L1CAM: variants seen among roughly 807,000 people sequenced by gnomAD.
L1CAM encodes the protein L1 cell adhesion molecule, also known as neural cell adhesion molecule L1.
Under a neutral mutation model 93.0 loss-of-function variants are expected in L1CAM, and 8 were observed. The ratio of observed to expected loss-of-function variants is 0.09; its 90% CI spans 0.05 to 0.16. The LOEUF is 0.16. Among genes scored for constraint, L1CAM ranks in the 10% least tolerant of loss-of-function variants. The pLI is 1.00. For missense variants in L1CAM, 777 were observed against 1,073.4 expected, an observed-to-expected ratio of 0.72 and a Z score of 3.86; for synonymous variants, 453 against 453.0, an observed-to-expected ratio of 1.00 and a Z score of 0.00.
At chrX:153,873,371 G>C (rs1370155512) in intron 2 of L1CAM, 129 bp from the exon 3 acceptor site, 20 of 706,395 alleles carry the variant, frequency 2.8e-5, no homozygotes, top group African/African-American at 6.3e-5. Context: ...AATGGCAGGA[G>C]AGGAGGCCCT....
intron 11 of L1CAM, 164 bp from the exon 12 acceptor site, chrX:153,869,116 T>A: frequency 2.1e-6 from 1 of 487,509 alleles, no homozygotes; most frequent in Non-Finnish European, 3.7e-6. Flanking sequence ...CTCTCTGCCT[T>A]CAGACACTGC....
In L1CAM at chrX:153,862,597, C is replaced by G. The variant is rs1557089177; in HGVS notation, c.*66G>C. The G allele has an allele frequency of 2.2e-6, 2 of 906,764 alleles. No homozygotes were observed. Among genetic ancestry groups the G allele is most frequent in the African/African-American group, 3.9e-5 (2 of 51,146 alleles). The allele number at this position is 906,764 out of a possible 1,213,427, so 74.7% of individuals were successfully genotyped here. A position where few individuals can be genotyped will look rare whatever the true frequency, so the allele number is the denominator to read the frequency against. ...TGCCCCAACTCCAGCCTCCCATGGGCCTGCTGGAGAGGGAGGGGCCTGGAT... is the reference window on the plus strand; with the variant it reads ...TGCCCCAACTCCAGCCTCCCATGGGGCTGCTGGAGAGGGAGGGGCCTGGAT... On this transcript the variant is annotated 3_prime_UTR_variant, in exon 29 of 29. Coordinates refer to ENST00000370060, the MANE Select transcript of L1CAM (RefSeq NM_001278116.2).
At chrX:153,873,921 G>C (rs1466762404) in intron 2 of L1CAM, among the ~76,000 whole-genome samples, 1 of 112,594 alleles carries the variant, frequency 8.9e-6, no homozygotes, top group African/African-American at 3.2e-5. Context: ...GGCCAGGGCG[G>C]CCTCGAGGAA....
intron 1 of L1CAM, among the ~76,000 whole-genome samples, chrX:153,879,468 C>T (rs1557095273): frequency 9.7e-6 from 1 of 102,938 alleles, no homozygotes; most frequent in East Asian, 3.1e-4. Flanking sequence ...GCCTGCACAG[C>T]GTCCTTGTCC....
At position 153,862,316 on chromosome X, in the gene L1CAM, T is replaced by G; in HGVS notation, c.*347A>C. 4.3e-6 allele frequency: 1 copy of G among 230,562 alleles called. No individual in the cohort carries two copies. The highest frequency in any genetic ancestry group is 6.4e-5 in the Admixed American group (1 of 15,576). The allele number at this position is 230,562 out of a possible 1,213,427, so 19.0% of individuals were successfully genotyped here. On this transcript the variant is annotated 3_prime_UTR_variant, in exon 29 of 29. Transcript: ENST00000370060. ...CCCTGGTCCTGAGGAGACCCCACCA[T>G]GTCTGCCCCCAGTCAGGGAGCAAGA...
chrX:153,862,603 G>A lies in L1CAM; in HGVS notation c.*60C>T. 1 of 967,312 alleles carries A rather than the reference G, an allele frequency of 1.0e-6. No individual in the cohort carries two copies. The highest frequency in any genetic ancestry group is 1.4e-6 in the Non-Finnish European group (1 of 691,081). The allele number at this position is 967,312 out of a possible 1,213,427, so 79.7% of individuals were successfully genotyped here. A position where few individuals can be genotyped will look rare whatever the true frequency, so the allele number is the denominator to read the frequency against. ...AACTCCAGCCTCCCATGGGCCTGCT[G>A]GAGAGGGAGGGGCCTGGATCCCAAG... On this transcript the variant is annotated 3_prime_UTR_variant, in exon 29 of 29. Transcript: ENST00000370060.
Position 153,871,220 on chromosome X carries a change from G to C in L1CAM, c.401-41C>G, listed in dbSNP as rs782374689. The C allele has an allele frequency of 8.5e-5, 81 of 952,628 alleles. No homozygotes were observed. The South Asian group carries it at 1.4e-3, about 16-fold the overall frequency. The allele number at this position is 952,628 out of a possible 1,213,427, so 78.5% of individuals were successfully genotyped here. A position where few individuals can be genotyped will look rare whatever the true frequency, so the allele number is the denominator to read the frequency against. The stretch of plus-strand genomic sequence containing the variant: ...GGGCTGACACTCTCCTCCTGGTCCA[G>C]ATGGTGCTAGGCAGGAGAAGGGAGG... On this transcript the variant is annotated intron_variant, in intron 5 of 28. Transcript: ENST00000370060.
intron 28 of L1CAM, 120 bp downstream of exon 28, chrX:153,863,248 G>C: frequency 1.3e-6 from 1 of 794,522 alleles, no homozygotes; most frequent in Non-Finnish European, 1.9e-6. Context: ...TGCCGGGCCT[G>C]GGGGCTGGGA....
At chrX:153,866,895 A>G in intron 18 of L1CAM, 24 bp from the exon 19 acceptor site, 6 of 1,187,977 alleles carry the variant, frequency 5.1e-6, no homozygotes, top group Admixed American at 2.2e-5. Flanking sequence ...GCAGAAGAGG[A>G]GTTGGTTGGC....
At chrX:153,870,654 G>T in intron 7 of L1CAM, 136 bp downstream of exon 7, 1 of 804,109 alleles carries the variant, frequency 1.2e-6, no homozygotes, top group Non-Finnish European at 1.9e-6. Context: ...GCCTGGGAAG[G>T]GGTCTGGGCA....
chrX:153,882,230 G>A (rs1171253918), intron 1 of L1CAM, among the ~76,000 whole-genome samples: 1 of 111,748 alleles, frequency 8.9e-6, no homozygotes, highest in Non-Finnish European at 1.9e-5. Context: ...GTGATCCCCA[G>A]GGCTTGGGCA....
Position 153,886,170 on chromosome X carries a change from C to A in L1CAM, c.-214G>T, listed in dbSNP as rs2064880194. ...GATGCCGATGCTGCGGCAGCAGCGG[C>A]TGTGGCGGGGCGGGGCGGGCGTGCG... On this transcript the variant is annotated 5_prime_UTR_variant, in exon 1 of 29. Coordinates refer to ENST00000370060, the MANE Select transcript of L1CAM (RefSeq NM_001278116.2). 9.0e-6 allele frequency: 1 copy of A among 110,643 alleles called. No individual in the cohort carries two copies. Among genetic ancestry groups the A allele is most frequent in the Non-Finnish European group, 1.9e-5 (1 of 53,536 alleles). 9.1% of individuals were successfully genotyped at this position (110,643 alleles called of 1,213,427 possible).
chrX:153,875,536 C>T lies in L1CAM; in HGVS notation c.76+225G>A, dbSNP rs188830982. 535 of 497,555 alleles carry T rather than the reference C, an allele frequency of 1.1e-3. 5 individuals are homozygous for T. The African/African-American group carries it at 0.012, about 11-fold the overall frequency. The allele number at this position is 497,555 out of a possible 1,213,427, so 41.0% of individuals were successfully genotyped here. A position where few individuals can be genotyped will look rare whatever the true frequency, so the allele number is the denominator to read the frequency against. On this transcript the variant is annotated intron_variant, in intron 2 of 28. Coordinates refer to ENST00000370060, the MANE Select transcript of L1CAM (RefSeq NM_001278116.2). ...CCTGGTGCTGAAATCGCCCCGGCGGCCGCGCCTGTCCCTGTCCATGGTCCT... is the reference window on the plus strand; with the variant it reads ...CCTGGTGCTGAAATCGCCCCGGCGGTCGCGCCTGTCCCTGTCCATGGTCCT...
At chrX:153,872,046 C>T in intron 5 of L1CAM, 106 bp downstream of exon 5, 1 of 655,107 alleles carries the variant, frequency 1.5e-6, no homozygotes, top group South Asian at 2.3e-5. Flanking sequence ...GCTGGCAGGA[C>T]ACCCAGGCCC....
chrX:153,876,890 T>C (rs1279347636), intron 1 of L1CAM, among the ~76,000 whole-genome samples: 1 of 110,828 alleles, frequency 9.0e-6, no homozygotes, highest in African/African-American at 3.3e-5. Context: ...TGCCAGCTAC[T>C]TGGGAGGCTG....
chrX:153,863,747 C>T, intron 26 of L1CAM, 136 bp downstream of exon 26: 1 of 974,296 alleles, frequency 1.0e-6, no homozygotes, highest in Non-Finnish European at 1.4e-6. Flanking sequence ...GATGATCCCC[C>T]TGCCTGCCCC....
Position 153,875,770 on chromosome X carries a change from G to A in L1CAM, c.67C>T (p.Pro23Ser). 1 of 1,210,354 alleles carries A rather than the reference G, an allele frequency of 8.3e-7. No individual in the cohort carries two copies. The highest frequency in any genetic ancestry group is 1.1e-6 in the Non-Finnish European group (1 of 894,278). ...CCCTTCAGCTACTCACATTCCTCGG[G>A]GATCTGGATAAGCAGGCAGGGGCTG... Reference protein sequence around the residue: ...LCSPCLLIQIPEEYEGHHVME... With the variant: ...LCSPCLLIQISEEYEGHHVME... Residue 23 changes from proline to serine, a missense_variant, in exon 2 of 29, where the codon CCC becomes TCC. Physicochemically the swap from Pro to Ser is moderately conservative, Grantham distance 74. This residue lies in a region of L1CAM where 574 missense variants were observed against 781.0 expected (regional missense o/e 0.73). Transcript: ENST00000370060.
intron 1 of L1CAM, chrX:153,880,761 C>G (rs5945360): frequency 0.051 from 15,193 of 299,819 alleles, 485 homozygotes; most frequent in African/African-American, 0.14. Context: ...GTTATGTAGA[C>G]AGCACATAAA....
In L1CAM at chrX:153,862,765, C is replaced by G. The variant is rs146526273; in HGVS notation, c.3672G>C (p.Ser1224=). 1 of 1,211,130 alleles carries G rather than the reference C, an allele frequency of 8.3e-7. No individual in the cohort carries two copies. The highest frequency in any genetic ancestry group is 1.1e-6 in the Non-Finnish European group (1 of 895,250). The change falls in exon 29 of 29, where the codon TCG becomes TCC. Residue 1224 remains serine (S), a synonymous_variant. Coordinates refer to ENST00000370060, the MANE Select transcript of L1CAM (RefSeq NM_001278116.2). Reference sequence around the variant, plus strand: ...TCTTGCCACTGTACTGGCCAATGAACGAACCATCCTCGTTGAACTGAACAT... The same window carrying G: ...TCTTGCCACTGTACTGGCCAATGAAGGAACCATCCTCGTTGAACTGAACAT... ...SVDVQFNEDG[S]FIGQYSGKKE...
Sources: allele counts gnomAD v4.1 joint callset (sites outside exome capture counted in the v4.1 genomes callset), GRCh38; gene constraint gnomAD v4.1.1; regional missense constraint gnomAD v4.1.1; transcripts MANE v1.5; gene names NCBI Gene and HGNC (gene_info 2026-07-23, HGNC 2026-07-21).